Variants in FAM13B observed in about 807,000 individuals in gnomAD.
FAM13B encodes protein FAM13B.
A neutral mutation model predicts 117.3 loss-of-function variants in FAM13B; 60 were observed. The observed-to-expected ratio is 0.51, with a 90% CI of 0.42 to 0.63. FAM13B has a LOEUF of 0.63. FAM13B is among the 30% of genes least tolerant of loss of function. The pLI, the probability that FAM13B is intolerant of heterozygous loss-of-function variation, is 0.00. For missense variants in FAM13B, 972 were observed against 1,091.9 expected (o/e 0.89, Z 1.55); for synonymous variants, 332 against 356.1 (o/e 0.93, Z 0.76).
intron 6 of FAM13B, among the ~76,000 whole-genome samples, chr5:138,008,864 C>G (rs2150865985): frequency 6.6e-6 from 1 of 152,318 alleles, no homozygotes; most frequent in African/African-American, 2.4e-5. Flanking sequence ...ATAGTTAGGC[C>G]AGGCGCGGTG....
At chr5:138,010,849 C>T (rs1022564500) in intron 6 of FAM13B, among the ~76,000 whole-genome samples, 159 bp downstream of exon 6, 6 of 150,158 alleles carry the variant, frequency 4.0e-5, no homozygotes, top group African/African-American at 1.5e-4. Context: ...GGAAAAAAAT[C>T]ATGAATGTGC....
At chr5:138,014,656 A>G (rs1319980307) in intron 4 of FAM13B, among the ~76,000 whole-genome samples, 1 of 152,234 alleles carries the variant, frequency 6.6e-6, no homozygotes, top group African/African-American at 2.4e-5. Flanking sequence ...ATGAATACAC[A>G]ATAACTGAAA....
intron 20 of FAM13B, among the ~76,000 whole-genome samples, chr5:137,945,030 A>G (rs1477937336): frequency 6.6e-6 from 1 of 152,028 alleles, no homozygotes; most frequent in African/African-American, 2.4e-5. Flanking sequence ...GATTATTTGT[A>G]CCCCAAACCT....
rs1786610134 is a variant in FAM13B at position 138,021,172 on chromosome 5, A to C, written c.-177T>G. 4.1e-6 allele frequency: 5 copies of C among 1,231,574 alleles called. No individual in the cohort carries two copies. Among genetic ancestry groups the C allele is most frequent in the Non-Finnish European group, 5.1e-6 (5 of 987,950 alleles). 76.3% of individuals were successfully genotyped at this position (1,231,574 alleles called of 1,614,324 possible). A position where few individuals can be genotyped will look rare whatever the true frequency, so the allele number is the denominator to read the frequency against. On this transcript the variant is annotated 5_prime_UTR_variant, in exon 2 of 24. Transcript: ENST00000689681. ...TAGTTCCTCATTGAAGAAATGCAGA[A>C]CTCGATCAGTACTTCAGCAGTTAAT...
Position 137,988,273 on chromosome 5 carries a change from C to G in FAM13B, c.890+1G>C. The G allele has an allele frequency of 6.5e-7, 1 of 1,546,906 alleles. No individual in the cohort carries two copies. Among genetic ancestry groups the G allele is most frequent in the Non-Finnish European group, 8.6e-7 (1 of 1,157,476 alleles). On this transcript the variant is annotated splice_donor_variant, in intron 8 of 23. Coordinates refer to ENST00000689681, the MANE Select transcript of FAM13B (RefSeq NM_001385994.1). LOFTEE classifies it high-confidence loss of function. ...TTGTCTTCTATAAATATACTACTTA[C>G]TCTGTAGAGGCTGGTAGGATGCTGA...
At chr5:138,006,949 G>A in intron 7 of FAM13B, 41 bp downstream of exon 7, 1 of 1,550,764 alleles carries the variant, frequency 6.4e-7, no homozygotes, top group Non-Finnish European at 8.7e-7. Context: ...CACTTAGAAT[G>A]AAATACTCAA....
intron 1 of FAM13B, among the ~76,000 whole-genome samples, chr5:138,046,183 A>G (rs1791636412): frequency 6.6e-6 from 1 of 152,144 alleles, no homozygotes; most frequent in South Asian, 2.1e-4. Context: ...TCCACATAAG[A>G]TGTGACTTGC....
Position 137,985,260 on chromosome 5 carries a change from G to T in FAM13B, c.1176C>A (p.Thr392=). Residue 392 remains threonine, a synonymous_variant, in exon 10 of 24, where the codon ACC becomes ACA. Coordinates refer to ENST00000689681, the MANE Select transcript of FAM13B (RefSeq NM_001385994.1). ...QDCVFENEEN[T]QSVGILLEPC... The stretch of plus-strand genomic sequence containing the variant: ...ACATATTTTTGACATTCCTTACCTG[G>T]GTATTTTCTTCATTCTCAAATACAC... 1 of 1,611,358 alleles carries T rather than the reference G, an allele frequency of 6.2e-7. No homozygotes were observed. Among genetic ancestry groups the T allele is most frequent in the African/African-American group, 1.3e-5 (1 of 74,806 alleles).
At chr5:137,985,029 A>G (rs1014321049) in intron 10 of FAM13B, among the ~76,000 whole-genome samples, 1 of 152,120 alleles carries the variant, frequency 6.6e-6, no homozygotes, top group South Asian at 2.1e-4. Flanking sequence ...TTGGCCTCCC[A>G]AAGTGCTGGG....
At chr5:138,050,335 G>A (rs893802902) in intron 1 of FAM13B, among the ~76,000 whole-genome samples, 1 of 152,188 alleles carries the variant, frequency 6.6e-6, no homozygotes, top group Admixed American at 6.5e-5. Context: ...TACTTGGGAG[G>A]CTGAGGCAAG....
At chr5:137,962,545 G>C in intron 10 of FAM13B, 76 bp from the exon 11 acceptor site, 2 of 1,330,606 alleles carry the variant, frequency 1.5e-6, no homozygotes, top group African/African-American at 2.9e-5. Flanking sequence ...TCTAAATTAG[G>C]ATATTAGAAT....
chr5:137,954,148 T>C lies in FAM13B; in HGVS notation c.1718+18A>G, dbSNP rs1240582924. Reference sequence around the variant, plus strand: ...CATAATAGGAATTGCCTCTTGTAAGTACATAAAAATCATATACCTAGTAAA... The same window carrying C: ...CATAATAGGAATTGCCTCTTGTAAGCACATAAAAATCATATACCTAGTAAA... On this transcript the variant is annotated intron_variant, in intron 15 of 23. Coordinates refer to ENST00000689681, the MANE Select transcript of FAM13B (RefSeq NM_001385994.1). 1.3e-6 allele frequency: 2 copies of C among 1,593,944 alleles called. No homozygotes were observed. The highest frequency in any genetic ancestry group is 1.7e-6 in the Non-Finnish European group (2 of 1,162,984).
intron 1 of FAM13B, among the ~76,000 whole-genome samples, chr5:138,046,725 A>G (rs1791650074): frequency 6.6e-6 from 1 of 152,106 alleles, no homozygotes; most frequent in Admixed American, 6.6e-5. Context: ...ATATCAGAAT[A>G]AGGGTATTTC....
Position 137,984,633 on chromosome 5 carries a change from C to T in FAM13B, c.1179+624G>A, listed in dbSNP as rs576120685. 2.0e-3 allele frequency among the ~76,000 whole-genome samples: 140 copies of T among 69,842 alleles called. 1 individual carries two copies. Among genetic ancestry groups the T allele is most frequent in the African/African-American group, 4.7e-3 (133 of 28,164 alleles). The allele number at this position is 69,842 out of a possible 152,430, so 45.8% of individuals were successfully genotyped here. On this transcript the variant is annotated intron_variant, in intron 10 of 23. Transcript: ENST00000689681. ...TGTATGAGAATATTATATGTTCTCC[C>T]CTATACCATGTTCTTCAGCAAAACT...
chr5:137,984,351 C>A (rs1368572148), intron 10 of FAM13B, among the ~76,000 whole-genome samples: 1 of 152,194 alleles, frequency 6.6e-6, no homozygotes, highest in African/African-American at 2.4e-5. Context: ...GACTCTAAAT[C>A]ACTAAAAACT....
intron 2 of FAM13B, 100 bp from the exon 3 acceptor site, chr5:138,019,246 C>A: frequency 1.9e-6 from 2 of 1,027,976 alleles, no homozygotes; most frequent in South Asian, 3.4e-5. Context: ...AATGTGTTCT[C>A]ATCTATTTAA....
intron 1 of FAM13B, among the ~76,000 whole-genome samples, chr5:138,030,993 A>T (rs1037772772): frequency 6.6e-6 from 1 of 151,582 alleles, no homozygotes; most frequent in Admixed American, 6.6e-5. Context: ...AGATTGCACC[A>T]CTGCACTCCA....
At chr5:138,035,482 G>T (rs979221219), upstream of FAM13B, among the ~76,000 whole-genome samples, 6 of 152,150 alleles carry the variant, frequency 3.9e-5, no homozygotes, top group East Asian at 1.9e-4. Flanking sequence ...GGCCACATGG[G>T]CTATAATTCA....
At chr5:138,002,572 G>A (rs1781522488) in intron 7 of FAM13B, among the ~76,000 whole-genome samples, 1 of 151,436 alleles carries the variant, frequency 6.6e-6, no homozygotes, top group Non-Finnish European at 1.5e-5. Context: ...TTGTTTAGCA[G>A]AGAGACATGC....
Sources: allele counts gnomAD v4.1 joint callset (sites outside exome capture counted in the v4.1 genomes callset), GRCh38; gene constraint gnomAD v4.1.1; transcripts MANE v1.5; gene names NCBI Gene and HGNC (gene_info 2026-07-23, HGNC 2026-07-21).